Variants in ANKS1B observed in about 807,000 individuals in gnomAD.
ANKS1B encodes the protein ankyrin repeat and sterile alpha motif domain-containing protein 1B.
A neutral mutation model predicts 148.3 loss-of-function variants in ANKS1B; 36 were observed. The ratio of observed to expected loss-of-function variants is 0.24; its 90% CI spans 0.19 to 0.32. ANKS1B has a LOEUF of 0.32. Ranked by LOEUF, ANKS1B falls within the 10% of genes least tolerant of loss-of-function variation. The pLI is 1.00. For missense variants in ANKS1B, 1,157 were observed against 1,542.6 expected, an observed-to-expected ratio of 0.75 and a Z score of 4.19; for synonymous variants, 542 against 560.8, an observed-to-expected ratio of 0.97 and a Z score of 0.47.
chr12:99,184,625 T>C (rs1458195593), intron 14 of ANKS1B, among the ~76,000 whole-genome samples: 1 of 152,222 alleles, frequency 6.6e-6, no homozygotes. Context: ...ATAGATAGCA[T>C]AGTATGTTGT....
chr12:99,400,522 G>A lies in ANKS1B; in HGVS notation c.1576-711C>T, dbSNP rs931648055. ...CTTTGTCAGTAATGAATTACTCCCCGTAGCAATTTTCTGGGGCTTTTTCCC... is the reference window on the plus strand; with the variant it reads ...CTTTGTCAGTAATGAATTACTCCCCATAGCAATTTTCTGGGGCTTTTTCCC... On this transcript the variant is annotated intron_variant, in intron 11 of 26. Transcript: ENST00000683438. 7.6e-5 allele frequency among the ~76,000 whole-genome samples: 11 copies of A among 144,606 alleles called. 3 individuals are homozygous for A. Among genetic ancestry groups the A allele is most frequent in the East Asian group, 1.9e-4 (1 of 5,170 alleles). 94.9% of individuals were successfully genotyped at this position (144,606 alleles called of 152,430 possible).
intron 8 of ANKS1B, among the ~76,000 whole-genome samples, chr12:99,664,141 T>G (rs1192210048): frequency 6.6e-6 from 1 of 151,652 alleles, no homozygotes; most frequent in Non-Finnish European, 1.5e-5. Context: ...AAAGTCACCT[T>G]AGAAAGTTTA....
chr12:99,974,721 C>T (rs1370133597), intron 1 of ANKS1B, among the ~76,000 whole-genome samples: 1 of 151,860 alleles, frequency 6.6e-6, no homozygotes, highest in Non-Finnish European at 1.5e-5. Context: ...CACTTGAGCC[C>T]TCAACAACAG....
intron 12 of ANKS1B, among the ~76,000 whole-genome samples, chr12:99,309,229 G>A (rs1227274599): frequency 6.6e-6 from 1 of 151,732 alleles, no homozygotes; most frequent in Non-Finnish European, 1.5e-5. Context: ...GAGCAGTTAT[G>A]TTTTAGATAG....
At position 99,806,569 on chromosome 12, in the gene ANKS1B, C is replaced by T. The variant is rs749383628; in HGVS notation, c.504G>A (p.Ala168=). The T allele has an allele frequency of 4.3e-6, 7 of 1,613,790 alleles. No homozygotes were observed. In the East Asian group the frequency reaches 8.9e-5, roughly 21 times the overall value. The change falls in exon 4 of 27, where the codon GCG becomes GCA. Residue 168 remains alanine (A), a synonymous_variant. Coordinates refer to ENST00000683438, the MANE Select transcript of ANKS1B (RefSeq NM_001352186.2). ...NSKLETPLDL[A]ALYGRLRVVK... is the part of the protein sequence containing the mutation. ...CCACTCTAAGCCGTCCGTAGAGTGC[C>T]GCCAAGTCCAAAGGTGTTTCCAGCT...
intron 1 of ANKS1B, among the ~76,000 whole-genome samples, chr12:99,835,243 C>A (rs1244661975): frequency 8.5e-6 from 1 of 117,926 alleles, no homozygotes; most frequent in Non-Finnish European, 1.8e-5. Context: ...GAAACCCCAT[C>A]TCTACAAAAA....
intron 11 of ANKS1B, among the ~76,000 whole-genome samples, chr12:99,430,719 A>AT (rs1230356366): frequency 6.6e-6 from 1 of 152,212 alleles, no homozygotes; most frequent in Non-Finnish European, 1.5e-5. Flanking sequence ...CTTCAGAGAC[A>AT]TAATAAATAT....
chr12:99,195,309 T>C lies in ANKS1B; in HGVS notation c.2420-40914A>G, dbSNP rs553293369. ...TAATAAACATGTTAAGTGCCTAGTG[T>C]ATTAAATCTCTTCTGAAAATCTACC... On this transcript the variant is annotated intron_variant, in intron 14 of 26. Coordinates refer to ENST00000683438, the MANE Select transcript of ANKS1B (RefSeq NM_001352186.2). Among the ~76,000 whole-genome samples the C allele has an allele frequency of 2.0e-5, 3 of 152,286 alleles. No individual in the cohort carries two copies. In the East Asian group the frequency reaches 5.8e-4, roughly 29 times the overall value.
intron 8 of ANKS1B, among the ~76,000 whole-genome samples, chr12:99,723,277 AG>A (rs1567719644): frequency 6.6e-6 from 1 of 152,218 alleles, no homozygotes; most frequent in East Asian, 1.9e-4. Context: ...GAAGGGTGGC[AG>A]CCATCTCTAT....
At chr12:99,815,076 A>G (rs1266611857) in intron 2 of ANKS1B, among the ~76,000 whole-genome samples, 1 of 151,774 alleles carries the variant, frequency 6.6e-6, no homozygotes, top group Non-Finnish European at 1.5e-5. Context: ...AACTTCTCCT[A>G]TAAAGCATTT....
At chr12:99,852,623 C>A (rs1038337182) in intron 1 of ANKS1B, among the ~76,000 whole-genome samples, 1 of 152,122 alleles carries the variant, frequency 6.6e-6, no homozygotes, top group South Asian at 2.1e-4. Flanking sequence ...AGCTCCCACT[C>A]GGATGTACAG....
rs577899867 is a variant in ANKS1B, at chr12:98,997,792, A to T, written c.2778+55365T>A. ...GATTCCTGCCACCTCAGAGAGCTAC[A>T]TTTGTGTTCAATCTTCGGACACTTA... On this transcript the variant is annotated intron_variant, in intron 17 of 26. Transcript: ENST00000683438. 4.6e-5 allele frequency among the ~76,000 whole-genome samples: 7 copies of T among 152,292 alleles called. No homozygotes were observed. The South Asian group carries it at 1.5e-3, about 32-fold the overall frequency.
At chr12:98,825,649 T>G (rs1287465261) in intron 19 of ANKS1B, among the ~76,000 whole-genome samples, 2 of 152,208 alleles carry the variant, frequency 1.3e-5, no homozygotes, top group Non-Finnish European at 2.9e-5. Context: ...ACTTGCAGCA[T>G]TTGGAAACTT....
At chr12:99,661,315 T>A (rs2098476458) in intron 8 of ANKS1B, among the ~76,000 whole-genome samples, 1 of 152,178 alleles carries the variant, frequency 6.6e-6, no homozygotes, top group East Asian at 1.9e-4. Context: ...AAGAAGTTAA[T>A]CACTTATGTC....
intron 9 of ANKS1B, among the ~76,000 whole-genome samples, chr12:99,506,865 C>T (rs951560895): frequency 3.9e-5 from 6 of 151,956 alleles, no homozygotes; most frequent in African/African-American, 1.4e-4. Context: ...GAAAATCTTC[C>T]AGCAGAATTA....
intron 17 of ANKS1B, among the ~76,000 whole-genome samples, chr12:98,892,731 C>T (rs1189522968): frequency 2.6e-5 from 4 of 152,116 alleles, no homozygotes; most frequent in Non-Finnish European, 5.9e-5. Context: ...AAATAATACA[C>T]CATGCTGTAT....
At chr12:99,516,524 GTGGGAGCTAAAAAA>G (rs1167372188) in intron 9 of ANKS1B, among the ~76,000 whole-genome samples, 1 of 152,050 alleles carries the variant, frequency 6.6e-6, no homozygotes, top group African/African-American at 2.4e-5. Flanking sequence ...TCACTCATAA[GTGGGAGCTAAAAAA>G]TGAGAACACA....
intron 15 of ANKS1B, among the ~76,000 whole-genome samples, chr12:99,152,511 T>C (rs2075205230): frequency 6.6e-6 from 1 of 152,190 alleles, no homozygotes. Flanking sequence ...GATTCATTCA[T>C]GAATAATTTT....
chr12:98,964,538 G>A (rs1205575948), intron 17 of ANKS1B, among the ~76,000 whole-genome samples: 2 of 152,198 alleles, frequency 1.3e-5, no homozygotes, highest in East Asian at 3.8e-4. Flanking sequence ...CAATGGCCAA[G>A]ATTTGGAAGC....
Sources: gnomAD v4.1 joint callset for allele counts (sites outside exome capture counted in the v4.1 genomes callset) on GRCh38, gnomAD v4.1.1 for gene constraint, MANE v1.5 for transcripts, NCBI Gene and HGNC (gene_info 2026-07-23, HGNC 2026-07-21) for gene names.